The following CFAP44 variants were observed in gnomAD, a reference collection of about 807,000 sequenced individuals.
The protein encoded by CFAP44 is cilia and flagella associated protein 44.
Under a neutral mutation model 216.2 loss-of-function variants are expected in CFAP44, and 134 were observed. The ratio of observed to expected loss-of-function variants is 0.62; its 90% CI spans 0.54 to 0.72. CFAP44 has a LOEUF of 0.72. CFAP44 is among the 30% of genes least tolerant of loss of function. The pLI, the probability that CFAP44 is intolerant of heterozygous loss-of-function variation, is 0.00. For missense variants in CFAP44, 2,035 were observed against 2,182.1 expected (o/e 0.93, Z 1.34); for synonymous variants, 700 against 727.6 (o/e 0.96, Z 0.61).
rs765000269 is a variant in CFAP44, at chr3:113,326,558, T to C, written c.4403A>G (p.Tyr1468Cys). 22 of 1,533,278 alleles carry C rather than the reference T, an allele frequency of 1.4e-5. No individual in the cohort carries two copies. The African/African-American group carries it at 2.5e-4, about 17-fold the overall frequency. The allele number at this position is 1,533,278 out of a possible 1,614,324, so 95.0% of individuals were successfully genotyped here. The change falls in exon 28 of 35, where the codon TAT (tyrosine) becomes TGT (cysteine). Residue 1468 changes from tyrosine (Y) to cysteine (C), a missense_variant. Physicochemically the swap from Tyr to Cys is radical, Grantham distance 194. This residue lies in a region of CFAP44 where 1,883 missense variants were observed against 2,023.7 expected (regional missense o/e 0.93). Transcript: ENST00000393845. ...TKLQEQEKAL[Y>C]AGFQAAIGEN... ...TCCAATGGCTGCTTGAAAACCAGCA[T>C]AGAGTGCCTTTTCTTGCTCCTGGAG...
At chr3:113,315,911 A>G (rs934861701) in intron 28 of CFAP44, among the ~76,000 whole-genome samples, 3 of 152,222 alleles carry the variant, frequency 2.0e-5, no homozygotes, top group Non-Finnish European at 4.4e-5. Flanking sequence ...TAGGTGTATT[A>G]AATGCATGTT....
Position 113,379,496 on chromosome 3 carries a change from CTTA to C in CFAP44, c.2105_2107del (p.Ile702del), listed in dbSNP as rs769786212. 483 of 1,607,548 alleles carry C rather than the reference CTTA, an allele frequency of 3.0e-4. 1 individual carries two copies. Among genetic ancestry groups the C allele is most frequent in the Non-Finnish European group, 3.9e-4 (454 of 1,174,550 alleles). On this transcript the variant is annotated inframe_deletion, in exon 17 of 35. Coordinates refer to ENST00000393845, the MANE Select transcript of CFAP44 (RefSeq NM_001164496.2). ...TGCTAGCTTGTTCCTCCTTTCTTCC[CTTA>C]TTTTCTCCTTCAACTCCCTTTGTCT...
chr3:113,297,733 G>C (rs186756243), intron 32 of CFAP44, among the ~76,000 whole-genome samples: 14 of 152,228 alleles, frequency 9.2e-5, no homozygotes, highest in African/African-American at 2.9e-4. Flanking sequence ...CCCAATGTGA[G>C]AACACTAGAA....
At chr3:113,416,461 C>T (rs1934650007) in intron 6 of CFAP44, 64 bp downstream of exon 6, 6 of 1,285,278 alleles carry the variant, frequency 4.7e-6, no homozygotes, top group Middle Eastern at 1.9e-4. Context: ...GAAATAATGT[C>T]ACACCTTCTT....
intron 32 of CFAP44, among the ~76,000 whole-genome samples, chr3:113,301,328 T>G (rs1949932771): frequency 6.6e-6 from 1 of 152,028 alleles, no homozygotes; most frequent in South Asian, 2.1e-4. Context: ...TGAAAGGGAA[T>G]GCTAAACATA....
chr3:113,359,524 T>C (rs1016581187), intron 21 of CFAP44, among the ~76,000 whole-genome samples: 13 of 152,214 alleles, frequency 8.5e-5, no homozygotes, highest in Non-Finnish European at 1.8e-4. Flanking sequence ...GTTTTTTATC[T>C]TAAATTTTAT....
rs538889995 is a variant in CFAP44 at position 113,424,129 on chromosome 3, G to T, written c.407+1995C>A. 8.5e-5 allele frequency among the ~76,000 whole-genome samples: 13 copies of T among 152,298 alleles called. No individual in the cohort carries two copies. In the South Asian group the frequency reaches 2.7e-3, roughly 32 times the overall value. ...GATTTAACATTGCTAAAATTTAGAA[G>T]ACATAAATTTAAAAACTGAAGTAGA... On this transcript the variant is annotated intron_variant, in intron 4 of 34. Transcript: ENST00000393845.
chr3:113,358,859 G>A lies in CFAP44; in HGVS notation c.2951C>T (p.Ser984Phe), dbSNP rs1257100802. 7 of 1,536,218 alleles carry A rather than the reference G, an allele frequency of 4.6e-6. No homozygotes were observed. The African/African-American group carries it at 6.9e-5, about 15-fold the overall frequency. ...QFKRTDFDVDSQIRAEMHRKT... is the reference protein window; with the variant it reads ...QFKRTDFDVDFQIRAEMHRKT... ...TCTGTGCATCTCAGCACGGATTTGG[G>A]AATCTACATCAAAATCCTGCAGATA... The change falls in exon 22 of 35, where the codon TCC becomes TTC. Residue 984 changes from serine to phenylalanine, a missense_variant. This residue lies in a region of CFAP44 where 1,883 missense variants were observed against 2,023.7 expected (regional missense o/e 0.93). Coordinates refer to ENST00000393845, the MANE Select transcript of CFAP44 (RefSeq NM_001164496.2).
chr3:113,313,571 G>A (rs751379285), intron 28 of CFAP44, among the ~76,000 whole-genome samples: 12 of 152,146 alleles, frequency 7.9e-5, no homozygotes, highest in Non-Finnish European at 1.6e-4. Context: ...TTGGCTCTGT[G>A]TCCCCATTGA....
chr3:113,294,489 G>T, intron 34 of CFAP44, 198 bp downstream of exon 34: 1 of 594,308 alleles, frequency 1.7e-6, no homozygotes, highest in South Asian at 2.8e-5. Flanking sequence ...CCCAAGAGGC[G>T]TTCAATAAAG....
At chr3:113,427,370 T>C (rs764905222) in intron 2 of CFAP44, 31 bp from the exon 3 acceptor site, 5 of 1,525,518 alleles carry the variant, frequency 3.3e-6, no homozygotes, top group Non-Finnish European at 4.5e-6. Context: ...AACTTCTAAA[T>C]TTTGATTAAA....
intron 9 of CFAP44, among the ~76,000 whole-genome samples, chr3:113,402,869 T>G (rs1252409430): frequency 2.0e-5 from 3 of 152,204 alleles, no homozygotes; most frequent in African/African-American, 7.2e-5. Flanking sequence ...ACGTATATCT[T>G]GGAAAGATAG....
chr3:113,340,233 TG>T (rs1476076774), intron 24 of CFAP44, among the ~76,000 whole-genome samples: 1 of 152,226 alleles, frequency 6.6e-6, no homozygotes, highest in African/African-American at 2.4e-5. Flanking sequence ...ACAGTTGGTC[TG>T]ATTTTCACCT....
In CFAP44 at chr3:113,297,983, C is replaced by A. The variant is rs146801974; in HGVS notation, c.5078-1098G>T. 2.6e-5 allele frequency among the ~76,000 whole-genome samples: 4 copies of A among 152,328 alleles called. No individual in the cohort carries two copies. In the East Asian group the frequency reaches 7.7e-4, roughly 29 times the overall value. ...CACTTTCTATTCTATGTAAGTAATG[C>A]CCCACGGACATGTATAATGTGGTGG... On this transcript the variant is annotated intron_variant, in intron 32 of 34. Transcript: ENST00000393845.
At chr3:113,432,563 GCTCT>G (rs1559948828) in intron 2 of CFAP44, among the ~76,000 whole-genome samples, 1 of 151,902 alleles carries the variant, frequency 6.6e-6, no homozygotes, top group Non-Finnish European at 1.5e-5. Flanking sequence ...TGGATATACT[GCTCT>G]CTCTAGCTAC....
Position 113,287,118 on chromosome 3 carries a change from C to T in CFAP44, c.*4439G>A, listed in dbSNP as rs528498118. ...CAGGAAAGCACCGCACAGGCTGGCG[C>T]GGGACAGACTCCTAACCTGGGGCCT... On this transcript the variant is annotated 3_prime_UTR_variant, in exon 35 of 35. Transcript: ENST00000393845. 1.4e-5 allele frequency: 7 copies of T among 497,778 alleles called. No homozygotes were observed. Among genetic ancestry groups the T allele is most frequent in the African/African-American group, 7.7e-5 (4 of 51,626 alleles). The allele number at this position is 497,778 out of a possible 1,614,324, so 30.8% of individuals were successfully genotyped here.
chr3:113,425,296 T>C (rs1337997119), intron 4 of CFAP44, among the ~76,000 whole-genome samples: 1 of 152,200 alleles, frequency 6.6e-6, no homozygotes, highest in African/African-American at 2.4e-5. Flanking sequence ...CAGTTGGTGG[T>C]TTAGGCCACG....
chr3:113,308,054 CT>C, intron 29 of CFAP44, 103 bp downstream of exon 29: 12 of 786,230 alleles, frequency 1.5e-5, no homozygotes, highest in East Asian at 2.7e-5. Flanking sequence ...TTGAACTATC[CT>C]TTTTTTGAAT....
At chr3:113,420,241 T>C in intron 4 of CFAP44, 62 bp from the exon 5 acceptor site, 1 of 1,459,260 alleles carries the variant, frequency 6.9e-7, no homozygotes, top group Non-Finnish European at 9.1e-7. Flanking sequence ...ATTGGAAAAG[T>C]GATGAAATAA....
Sources: allele counts gnomAD v4.1 joint callset (sites outside exome capture counted in the v4.1 genomes callset), GRCh38; gene constraint gnomAD v4.1.1; regional missense constraint gnomAD v4.1.1; transcripts MANE v1.5; gene names NCBI Gene and HGNC (gene_info 2026-07-23, HGNC 2026-07-21).